Variants in BCAS3 observed in about 807,000 individuals in gnomAD.
BCAS3 encodes the protein BCAS3 microtubule associated cell migration factor.
Under a neutral mutation model 116.1 loss-of-function variants are expected in BCAS3, and 53 were observed. The ratio of observed to expected loss-of-function variants is 0.46; its 90% confidence interval spans 0.37 to 0.57. The LOEUF is 0.57. Among genes scored for constraint, BCAS3 ranks in the 20% least tolerant of loss-of-function variants. The probability of loss-of-function intolerance (pLI) is 0.00; values close to 1 mark genes in which losing one functional copy is unlikely to be tolerated. For synonymous variants in BCAS3, 391 were observed against 408.2 expected, an observed-to-expected ratio of 0.96 and a Z score of 0.51; for missense variants, 917 against 1,165.4, an observed-to-expected ratio of 0.79 and a Z score of 3.10.
At position 60,741,004 on chromosome 17, in the gene BCAS3, A is replaced by G. The variant is rs1033347661; in HGVS notation, c.322-6194A>G. On this transcript the variant is annotated intron_variant, in intron 5 of 23. Coordinates refer to ENST00000407086, the MANE Select transcript of BCAS3 (RefSeq NM_017679.5). ...GGTTCCCCTGGAATTTTTACTTTTT[A>G]CAATTTTTAATTTTTACATTTTACA... Among the ~76,000 whole-genome samples, 120 of 152,142 alleles carry G rather than the reference A, an allele frequency of 7.9e-4. 1 individual carries two copies. Among genetic ancestry groups the G allele is most frequent in the Non-Finnish European group, 1.6e-4 (11 of 68,028 alleles).
chr17:61,123,484 A>G (rs1463289389), intron 22 of BCAS3, among the ~76,000 whole-genome samples: 1 of 152,166 alleles, frequency 6.6e-6, no homozygotes, highest in Non-Finnish European at 1.5e-5. Context: ...AATATATACT[A>G]TAGACAAAGA....
intron 4 of BCAS3, among the ~76,000 whole-genome samples, chr17:60,705,690 A>G (rs2037032711): frequency 6.6e-6 from 1 of 152,164 alleles, no homozygotes; most frequent in Non-Finnish European, 1.5e-5. Flanking sequence ...AACCAGTGCC[A>G]GATGATGAGG....
Position 61,244,114 on chromosome 17 carries a change from A to C in BCAS3, c.2426-124213A>C, listed in dbSNP as rs139716999. 6.6e-6 allele frequency among the ~76,000 whole-genome samples: 1 copy of C among 152,352 alleles called. No homozygotes were observed. Among genetic ancestry groups the C allele is most frequent in the Non-Finnish European group, 1.5e-5 (1 of 68,042 alleles). ...TTAAAAGAATAATATGTCAAATTAAAGCATTTTTAAACCTCTTTTTTTAAC... is the reference window on the plus strand; with the variant it reads ...TTAAAAGAATAATATGTCAAATTAACGCATTTTTAAACCTCTTTTTTTAAC... On this transcript the variant is annotated intron_variant, in intron 22 of 23. Transcript: ENST00000407086. The surrounding 1 kb of genome is among the most constrained non-coding windows in gnomAD (Gnocchi z 4.9).
rs1285659536 is a variant in BCAS3, at chr17:61,139,481, A to G, written c.2425+54917A>G. Among the ~76,000 whole-genome samples, 1 of 152,192 alleles carries G rather than the reference A, an allele frequency of 6.6e-6. No homozygotes were observed. The highest frequency in any genetic ancestry group is 2.4e-5 in the African/African-American group (1 of 41,448). ...ACCCTGTGCATTCTGGGCACACATC[A>G]TCTGGGCTCAGTGCGGGCTTTGTTT... On this transcript the variant is annotated intron_variant, in intron 22 of 23. Coordinates refer to ENST00000407086, the MANE Select transcript of BCAS3 (RefSeq NM_017679.5). This position sits in a 1 kb window ranked among gnomAD's most constrained non-coding sequence, Gnocchi z 4.7.
Position 61,052,799 on chromosome 17 carries a change from A to G in BCAS3, c.2029+11907A>G, listed in dbSNP as rs142824579. On this transcript the variant is annotated intron_variant, in intron 19 of 23. Transcript: ENST00000407086. Reference sequence around the variant, plus strand: ...AGTGGCACGCTCTTGGCTCACTACAACCTCTGCCTCCCGGATCAAGTGATC... The same window carrying G: ...AGTGGCACGCTCTTGGCTCACTACAGCCTCTGCCTCCCGGATCAAGTGATC... Among the ~76,000 whole-genome samples the G allele has an allele frequency of 4.7e-3, 708 of 149,130 alleles. 1 individual carries two copies. The highest frequency in any genetic ancestry group is 0.01 in the Middle Eastern group (3 of 292).
At chr17:61,108,951 G>A (rs1252232531) in intron 22 of BCAS3, among the ~76,000 whole-genome samples, 9 of 152,224 alleles carry the variant, frequency 5.9e-5, no homozygotes, top group African/African-American at 1.9e-4. Flanking sequence ...ACTTTAGGTG[G>A]CTGAGGTGGG....
intron 19 of BCAS3, among the ~76,000 whole-genome samples, chr17:61,060,559 T>C (rs1046970628): frequency 7.9e-5 from 12 of 152,322 alleles, no homozygotes; most frequent in Admixed American, 2.0e-4. Flanking sequence ...GAATACTTCA[T>C]GTATTCCACA....
At chr17:61,197,083 C>G (rs540303560) in intron 22 of BCAS3, among the ~76,000 whole-genome samples, 12 of 152,300 alleles carry the variant, frequency 7.9e-5, no homozygotes, top group African/African-American at 2.9e-4. Flanking sequence ...ATACCGTTTT[C>G]CTGGGTTCAC....
At chr17:61,267,322 G>T (rs2049819787) in intron 22 of BCAS3, among the ~76,000 whole-genome samples, 2 of 152,038 alleles carry the variant, frequency 1.3e-5, no homozygotes, top group Admixed American at 6.5e-5. Context: ...CTTCCAAAGT[G>T]CTGGGATTAC....
At position 61,084,635 on chromosome 17, in the gene BCAS3, A is replaced by G; in HGVS notation, c.2425+71A>G. ...TTTAACTAATTTTCTCGCACAATGT[A>G]GAGGATGACATTTATTTGCTTTCCT... On this transcript the variant is annotated intron_variant, in intron 22 of 23. Coordinates refer to ENST00000407086, the MANE Select transcript of BCAS3 (RefSeq NM_017679.5). The surrounding 1 kb of genome is among the most constrained non-coding windows in gnomAD (Gnocchi z 5.5). 1 of 1,249,650 alleles carries G rather than the reference A, an allele frequency of 8.0e-7. No homozygotes were observed. Among genetic ancestry groups the G allele is most frequent in the South Asian group, 1.2e-5 (1 of 81,074 alleles). 77.4% of individuals were successfully genotyped at this position (1,249,650 alleles called of 1,614,324 possible).
At chr17:60,894,005 A>G (rs1290995785) in intron 10 of BCAS3, among the ~76,000 whole-genome samples, 1 of 151,880 alleles carries the variant, frequency 6.6e-6, no homozygotes, top group African/African-American at 2.4e-5. Flanking sequence ...CTGATTTGTT[A>G]TTTTTGCTTA....
rs117800717 is a variant in BCAS3 at position 61,253,839 on chromosome 17, C to G, written c.2426-114488C>G. 3.5e-3 allele frequency among the ~76,000 whole-genome samples: 531 copies of G among 152,080 alleles called. 6 individuals carry two copies. Among genetic ancestry groups the G allele is most frequent in the African/African-American group, 0.012 (488 of 41,468 alleles). On this transcript the variant is annotated intron_variant, in intron 22 of 23. Coordinates refer to ENST00000407086, the MANE Select transcript of BCAS3 (RefSeq NM_017679.5). The stretch of plus-strand genomic sequence containing the variant: ...AGATGATTAAGTATACATTACAGTT[C>G]GGCCTCCACGGTTTACATGGGGGAA...
chr17:61,032,681 C>CAGTTGTG lies in BCAS3; in HGVS notation c.1638-1983_1638-1977dup. Among the ~76,000 whole-genome samples, 1 of 152,094 alleles carries CAGTTGTG rather than the reference C, an allele frequency of 6.6e-6. No individual in the cohort carries two copies. The highest frequency in any genetic ancestry group is 1.9e-4 in the East Asian group (1 of 5,194). ...CTTCCTTTCTGGAGGTATGTTACTA[C>CAGTTGTG]AGTTGTGACAGATGCAAGTATGAAG... On this transcript the variant is annotated intron_variant, in intron 16 of 23. Transcript: ENST00000407086. This position sits in a 1 kb window ranked among gnomAD's most constrained non-coding sequence, Gnocchi z 4.6.
chr17:61,232,200 G>GAAAAAAAAAAA (rs71148394), intron 22 of BCAS3, among the ~76,000 whole-genome samples: 2 of 72,480 alleles, frequency 2.8e-5, no homozygotes, highest in Non-Finnish European at 4.6e-5. Context: ...GAAAGACTCC[G>GAAAAAAAAAAA]AAAAAAAAAA....
intron 7 of BCAS3, among the ~76,000 whole-genome samples, chr17:60,852,916 C>A (rs958114469): frequency 2.6e-5 from 4 of 152,188 alleles, no homozygotes; most frequent in African/African-American, 9.7e-5. Flanking sequence ...CATACTCATA[C>A]CATAAGATTA....
intron 22 of BCAS3, among the ~76,000 whole-genome samples, chr17:61,177,698 T>A (rs983636802): frequency 6.6e-6 from 1 of 152,238 alleles, no homozygotes; most frequent in African/African-American, 2.4e-5. Context: ...TATGTCTAAC[T>A]TAGTGTATGC....
At chr17:61,114,089 C>T (rs1379226340) in intron 22 of BCAS3, among the ~76,000 whole-genome samples, 7 of 150,670 alleles carry the variant, frequency 4.6e-5, no homozygotes, top group Admixed American at 6.6e-5. Flanking sequence ...GGATGTATTT[C>T]AAAATAATAA....
chr17:61,035,600 A>G (rs1359757024), intron 17 of BCAS3, among the ~76,000 whole-genome samples: 2 of 151,596 alleles, frequency 1.3e-5, no homozygotes, highest in East Asian at 3.9e-4. Flanking sequence ...AAAAAAAAAA[A>G]AAGAGGAAAC....
intron 7 of BCAS3, among the ~76,000 whole-genome samples, chr17:60,815,187 T>C (rs991944832): frequency 3.9e-5 from 6 of 152,022 alleles, no homozygotes; most frequent in African/African-American, 1.2e-4. Context: ...AGCAAACTGT[T>C]GCAAGGACAA....
Sources: allele counts gnomAD v4.1 joint callset (sites outside exome capture counted in the v4.1 genomes callset), GRCh38; gene constraint gnomAD v4.1.1; non-coding constraint Gnocchi (gnomAD v3.1); transcripts MANE v1.5; gene names NCBI Gene and HGNC (gene_info 2026-07-23, HGNC 2026-07-21).